The following FRMD4A variants were observed in gnomAD, a reference collection of about 807,000 sequenced individuals.
FRMD4A encodes the protein FERM domain-containing protein 4A.
Under a neutral mutation model 129.1 loss-of-function variants are expected in FRMD4A, and 29 were observed. That is an observed-to-expected ratio of 0.22 (90% CI 0.17 to 0.31). The LOEUF is 0.31. FRMD4A is among the 10% of genes least tolerant of loss of function. The probability of loss-of-function intolerance (pLI) is 1.00; values close to 1 mark genes in which losing one functional copy is unlikely to be tolerated. For missense variants in FRMD4A, 1,272 were observed against 1,375.8 expected, an observed-to-expected ratio of 0.92 and a Z score of 1.19; for synonymous variants, 634 against 571.6, an observed-to-expected ratio of 1.11 and a Z score of -1.56.
intron 2 of FRMD4A, among the ~76,000 whole-genome samples, chr10:14,091,718 C>T (rs763980595): frequency 6.6e-6 from 1 of 152,240 alleles, no homozygotes; most frequent in Non-Finnish European, 1.5e-5. Context: ...CAGGCGTGAG[C>T]CACCGTGCCT....
chr10:13,930,149 C>G (rs911473190), intron 2 of FRMD4A, among the ~76,000 whole-genome samples: 1 of 152,184 alleles, frequency 6.6e-6, no homozygotes, highest in Non-Finnish European at 1.5e-5. Flanking sequence ...GATGACTTCA[C>G]TCATGCAGAG....
At chr10:13,996,918 A>G (rs1334439373) in intron 2 of FRMD4A, among the ~76,000 whole-genome samples, 1 of 152,174 alleles carries the variant, frequency 6.6e-6, no homozygotes, top group Non-Finnish European at 1.5e-5. Flanking sequence ...TTCTAAATCT[A>G]TTCTGGGACT....
chr10:13,892,984 G>A (rs1252933946), intron 2 of FRMD4A, among the ~76,000 whole-genome samples: 1 of 152,190 alleles, frequency 6.6e-6, no homozygotes, highest in Non-Finnish European at 1.5e-5. Flanking sequence ...CATACAGTTA[G>A]CATTGGAGAA....
At chr10:13,932,690 A>G (rs1322552449) in intron 2 of FRMD4A, among the ~76,000 whole-genome samples, 1 of 152,212 alleles carries the variant, frequency 6.6e-6, no homozygotes, top group Non-Finnish European at 1.5e-5. Context: ...AACAACACCC[A>G]TAAAATGATA....
At chr10:13,933,165 A>T (rs1432984463) in intron 2 of FRMD4A, among the ~76,000 whole-genome samples, 1 of 152,192 alleles carries the variant, frequency 6.6e-6, no homozygotes, top group East Asian at 1.9e-4. Context: ...TCTCAAAAAA[A>T]AAAAATTCTT....
At chr10:14,130,368 C>T (rs944608906) in intron 2 of FRMD4A, among the ~76,000 whole-genome samples, 1 of 152,056 alleles carries the variant, frequency 6.6e-6, no homozygotes, top group African/African-American at 2.4e-5. Flanking sequence ...TCAAGTGATC[C>T]TCCCACCTCC....
At chr10:13,922,018 TAGAGCCCTTAGAAGAGGAAGAAGAG>T (rs1311501218) in intron 2 of FRMD4A, among the ~76,000 whole-genome samples, 1 of 152,132 alleles carries the variant, frequency 6.6e-6, no homozygotes, top group Non-Finnish European at 1.5e-5. Flanking sequence ...ATGTTGAGAC[TAGAGCCCTTAGAAGAGGAAGAAGAG>T]AGATCAGAGC....
At chr10:13,764,781 G>A (rs143441299) in intron 6 of FRMD4A, among the ~76,000 whole-genome samples, 1 of 152,152 alleles carries the variant, frequency 6.6e-6, no homozygotes, top group South Asian at 2.1e-4. Context: ...TCCCATAGTG[G>A]CTGACTGGAT....
At chr10:13,724,476 A>G (rs2089730956) in intron 12 of FRMD4A, among the ~76,000 whole-genome samples, 1 of 152,072 alleles carries the variant, frequency 6.6e-6, no homozygotes, top group Non-Finnish European at 1.5e-5. Flanking sequence ...AGCTAGAGAA[A>G]CCAGATCTGT....
At chr10:13,750,812 C>T (rs1165042035) in intron 8 of FRMD4A, among the ~76,000 whole-genome samples, 2 of 152,170 alleles carry the variant, frequency 1.3e-5, no homozygotes, top group Non-Finnish European at 2.9e-5. Flanking sequence ...CGGGTAAACT[C>T]CTAGTGTTCA....
chr10:13,884,144 T>TCACCCACACACACACTCACACACACACA (rs773933481), intron 2 of FRMD4A, among the ~76,000 whole-genome samples: 9 of 105,162 alleles, frequency 8.6e-5, no homozygotes, highest in African/African-American at 3.6e-4. Flanking sequence ...TCACACACAC[T>TCACCCACACACACACTCACACACACACA]CTCACACACT....
chr10:14,275,017 T>C (rs890652129), intron 2 of FRMD4A, among the ~76,000 whole-genome samples: 2 of 152,258 alleles, frequency 1.3e-5, no homozygotes, highest in African/African-American at 4.8e-5. Context: ...TAGACTGTTC[T>C]AGCAGGTCTG....
intron 2 of FRMD4A, among the ~76,000 whole-genome samples, chr10:14,092,822 A>T (rs920178676): frequency 1.4e-4 from 21 of 152,030 alleles, no homozygotes; most frequent in Non-Finnish European, 2.9e-4. Flanking sequence ...GGCCTTGGAG[A>T]CTCTGGCCAC....
chr10:13,675,328 T>C (rs1428996030), intron 15 of FRMD4A, among the ~76,000 whole-genome samples: 1 of 152,236 alleles, frequency 6.6e-6, no homozygotes, highest in South Asian at 2.1e-4. Flanking sequence ...TTTTAAATTT[T>C]ACTAGCAAAT....
chr10:14,045,383 T>C (rs1421928915), intron 2 of FRMD4A, among the ~76,000 whole-genome samples: 3 of 152,260 alleles, frequency 2.0e-5, no homozygotes, highest in African/African-American at 7.2e-5. Context: ...TTCATGAAGC[T>C]TTCCCTAGGT....
At chr10:13,647,806 A>G (rs912530944) in intron 24 of FRMD4A, 1 of 150,984 alleles carries the variant, frequency 6.6e-6, no homozygotes, top group African/African-American at 2.4e-5. Context: ...TTAAATCTTA[A>G]GAAGCAATCA....
chr10:14,067,190 C>A (rs1221049917), intron 2 of FRMD4A, among the ~76,000 whole-genome samples: 2 of 151,720 alleles, frequency 1.3e-5, no homozygotes, highest in African/African-American at 4.8e-5. Flanking sequence ...GTGGCGGGTG[C>A]CTGTAATCCA....
chr10:14,129,827 A>G (rs1839146412), intron 2 of FRMD4A, among the ~76,000 whole-genome samples: 1 of 152,168 alleles, frequency 6.6e-6, no homozygotes. Flanking sequence ...ATGAGAAGTC[A>G]GTGGTTGATA....
At chr10:14,194,390 C>A (rs1441975818) in intron 2 of FRMD4A, among the ~76,000 whole-genome samples, 1 of 152,194 alleles carries the variant, frequency 6.6e-6, no homozygotes, top group Non-Finnish European at 1.5e-5. Context: ...GCGGGCGGAT[C>A]ACGAAGTCAG....
Sources: allele counts gnomAD v4.1 joint callset (sites outside exome capture counted in the v4.1 genomes callset), GRCh38; gene constraint gnomAD v4.1.1; transcripts MANE v1.5; gene names NCBI Gene and HGNC (gene_info 2026-07-23, HGNC 2026-07-21).